The following CFAP92 variants were observed in gnomAD, a reference collection of about 807,000 sequenced individuals.
The protein encoded by CFAP92 is uncharacterized protein CFAP92.
A neutral mutation model predicts 106.3 loss-of-function variants in CFAP92; 86 were observed. That is an observed-to-expected ratio of 0.81 (90% confidence interval 0.68 to 0.97). CFAP92 has a LOEUF of 0.97. CFAP92 is among the 50% of genes least tolerant of loss of function. The pLI is 0.00. For synonymous variants in CFAP92, 477 were observed against 506.4 expected (o/e 0.94, Z 0.78); for missense variants, 1,204 against 1,283.8 (o/e 0.94, Z 0.95).
chr3:128,983,029 C>T (rs11924765), intron 4 of CFAP92, among the ~76,000 whole-genome samples: 159 of 152,296 alleles, frequency 1.0e-3, no homozygotes, highest in African/African-American at 3.6e-3. Context: ...GTTGAAAAAA[C>T]GGCGTCAATA....
intron 12 of CFAP92, among the ~76,000 whole-genome samples, chr3:128,932,044 T>C (rs531753077): frequency 1.7e-4 from 26 of 152,238 alleles, no homozygotes; most frequent in African/African-American, 5.5e-4. Flanking sequence ...GTCTGTTCTT[T>C]GGTTTTCATA....
chr3:128,921,039 C>G (rs1309926201), intron 12 of CFAP92, among the ~76,000 whole-genome samples: 1 of 152,202 alleles, frequency 6.6e-6, no homozygotes, highest in Non-Finnish European at 1.5e-5. Flanking sequence ...TCTTTGATCA[C>G]CAATAAATAG....
In CFAP92 at chr3:128,935,143, A is replaced by G; in HGVS notation, c.2435T>C (p.Val812Ala). 6.5e-7 allele frequency: 1 copy of G among 1,530,084 alleles called. No individual in the cohort carries two copies. Among genetic ancestry groups the G allele is most frequent in the Non-Finnish European group, 8.7e-7 (1 of 1,143,120 alleles). 94.8% of individuals were successfully genotyped at this position (1,530,084 alleles called of 1,614,324 possible). A position where few individuals can be genotyped will look rare whatever the true frequency, so the allele number is the denominator to read the frequency against. Residue 812 changes from valine to alanine, a missense_variant, in exon 11 of 16, where the codon GTC becomes GCC. Coordinates refer to ENST00000645291, the MANE Select transcript of CFAP92 (RefSeq NM_001394090.1). The part of the protein sequence containing the change: ...FFLRDTERRR[V>A]FQALARIHDI... ...TGCCCACCTGGCTAGAGCCTGGAAGACCCGCCTCCGCTCAGTGTCTCGCAG... is the reference window on the plus strand; with the variant it reads ...TGCCCACCTGGCTAGAGCCTGGAAGGCCCGCCTCCGCTCAGTGTCTCGCAG...
intron 9 of CFAP92, among the ~76,000 whole-genome samples, chr3:128,951,708 G>A (rs1475779878): frequency 6.6e-6 from 1 of 152,098 alleles, no homozygotes; most frequent in East Asian, 1.9e-4. Context: ...GGACAACTCA[G>A]CAGAACAGCA....
At chr3:129,014,543 GACCTCATTTTAACTTGATT>G in the CFAP92 span, among the ~76,000 whole-genome samples, 1 of 152,190 alleles carries the variant, frequency 6.6e-6, no homozygotes, top group Non-Finnish European at 1.5e-5. This position sits in a 1 kb window ranked among gnomAD's most constrained non-coding sequence, Gnocchi z 4.3. Flanking sequence ...CCACCCTAAA[GACCTCATTTTAACTTGATT>G]ACCTCATTAA....
chr3:128,935,227 A>T lies in CFAP92; in HGVS notation c.2351T>A (p.Leu784Gln). The T allele has an allele frequency of 6.5e-7, 1 of 1,536,110 alleles. No individual in the cohort carries two copies. Among genetic ancestry groups the T allele is most frequent in the Non-Finnish European group, 8.7e-7 (1 of 1,146,868 alleles). ...GGGCTGGAAGAGGTGCACGTGGTAC[A>T]GGATGGCCTCCAGGTCCCCATAGAG... ...SRLYGDLEAI[L>Q]YHVHLFQPTE... Residue 784 changes from leucine to glutamine, a missense_variant, in exon 11 of 16, where the codon CTG becomes CAG. By Grantham distance (113) the Leu-to-Gln change is moderately radical. Coordinates refer to ENST00000645291, the MANE Select transcript of CFAP92 (RefSeq NM_001394090.1).
At chr3:128,939,313 AT>A (rs1270619463) in intron 10 of CFAP92, among the ~76,000 whole-genome samples, 12 of 151,790 alleles carry the variant, frequency 7.9e-5, no homozygotes, top group Admixed American at 4.6e-4. Context: ...TAACTTTTGT[AT>A]TTTTAGTAGA....
At chr3:129,014,850 G>A in the CFAP92 span, among the ~76,000 whole-genome samples, 1 of 152,116 alleles carries the variant, frequency 6.6e-6, no homozygotes, top group South Asian at 2.1e-4. This position sits in a 1 kb window ranked among gnomAD's most constrained non-coding sequence, Gnocchi z 4.3. Flanking sequence ...CGAGGGGCCA[G>A]TGAGGAGGGG....
intron 15 of CFAP92, chr3:128,913,079 C>CAAAGA (rs1214364515): frequency 2.2e-6 from 1 of 453,800 alleles, no homozygotes; most frequent in Admixed American, 2.3e-5. Flanking sequence ...AACCATTTAA[C>CAAAGA]AAAGAATATA....
intron 2 of CFAP92, among the ~76,000 whole-genome samples, chr3:128,992,176 G>A (rs1944254640): frequency 6.6e-6 from 1 of 152,208 alleles, no homozygotes; most frequent in Non-Finnish European, 1.5e-5. Context: ...CATGAGCTTG[G>A]GGGCTTGTTT....
chr3:128,910,413 G>A (rs1559833620), intron 15 of CFAP92, 80 bp from the exon 16 acceptor site: 9 of 1,362,212 alleles, frequency 6.6e-6, no homozygotes, highest in Non-Finnish European at 8.8e-6. Context: ...CCTGCACATT[G>A]CCCGCTGTGC....
chr3:129,010,179 A>AG, the CFAP92 span, among the ~76,000 whole-genome samples: 6 of 152,220 alleles, frequency 3.9e-5, no homozygotes, highest in African/African-American at 1.4e-4. The surrounding 1 kb of genome is among the most constrained non-coding windows in gnomAD (Gnocchi z 4.3). Flanking sequence ...TCCTGCCTTG[A>AG]GGGGTCCCCC....
the CFAP92 span, among the ~76,000 whole-genome samples, chr3:129,011,855 G>T: frequency 6.6e-6 from 1 of 152,106 alleles, no homozygotes; most frequent in Non-Finnish European, 1.5e-5. Flanking sequence ...CAGAGAGAGG[G>T]GCCTTGACTG....
chr3:128,963,895 C>T (rs1244587665), intron 9 of CFAP92, among the ~76,000 whole-genome samples: 2 of 151,724 alleles, frequency 1.3e-5, no homozygotes, highest in African/African-American at 4.9e-5. Context: ...TTTGCCCCCA[C>T]CCAGGACTGG....
intron 2 of CFAP92, chr3:128,991,874 A>C (rs1354433924): frequency 3.0e-6 from 3 of 987,216 alleles, no homozygotes; most frequent in Non-Finnish European, 3.6e-6. Flanking sequence ...AGCAAGGTCT[A>C]TCAAGATGTG....
chr3:128,948,809 CGT>C (rs1196554944), intron 9 of CFAP92, among the ~76,000 whole-genome samples: 1 of 152,096 alleles, frequency 6.6e-6, no homozygotes, highest in Non-Finnish European at 1.5e-5. Flanking sequence ...GGATTACAGG[CGT>C]GAGCCACCGT....
At chr3:128,977,918 C>A in intron 5 of CFAP92, 127 bp downstream of exon 5, 1 of 1,189,182 alleles carries the variant, frequency 8.4e-7, no homozygotes. Context: ...GGGTGAGCCC[C>A]GCCCGCCTCT....
intron 9 of CFAP92, among the ~76,000 whole-genome samples, chr3:128,963,282 C>T (rs568964365): frequency 3.9e-4 from 59 of 152,288 alleles, no homozygotes; most frequent in South Asian, 1.0e-3. Flanking sequence ...CAGGACCACA[C>T]CGTGTAGCCT....
chr3:128,927,604 G>C (rs1937822135), intron 12 of CFAP92, among the ~76,000 whole-genome samples: 1 of 151,678 alleles, frequency 6.6e-6, no homozygotes, highest in South Asian at 2.1e-4. Flanking sequence ...GGCGCCTGTA[G>C]TCCCAGCTAC....
Sources: gnomAD v4.1 joint callset for allele counts (sites outside exome capture counted in the v4.1 genomes callset) on GRCh38, gnomAD v4.1.1 for gene constraint, Gnocchi (gnomAD v3.1) non-coding constraint, MANE v1.5 for transcripts, NCBI Gene and HGNC (gene_info 2026-07-23, HGNC 2026-07-21) for gene names.